The following NOX4 variants were observed in gnomAD, a reference collection of about 807,000 sequenced individuals.
NOX4 encodes NADPH oxidase 4.
In NOX4, 69 loss-of-function variants were observed where a neutral mutation model predicts 87.6. The observed-to-expected ratio is 0.79, with a 90% CI of 0.65 to 0.96. NOX4 has a LOEUF of 0.96. Ranked by LOEUF, NOX4 falls within the 40% of genes least tolerant of loss-of-function variation. The pLI, the probability that NOX4 is intolerant of heterozygous loss-of-function variation, is 0.00. For synonymous variants in NOX4, 275 were observed against 238.2 expected, an observed-to-expected ratio of 1.15 and a Z score of -1.42; for missense variants, 680 against 681.5, an observed-to-expected ratio of 1.00 and a Z score of 0.02.
chr11:89,328,174 G>A (rs928045876), intron 17 of NOX4, among the ~76,000 whole-genome samples: 9 of 152,260 alleles, frequency 5.9e-5, no homozygotes, highest in African/African-American at 1.9e-4. Context: ...AAGACGCCTC[G>A]GAGATTGGTA....
the NOX4 span, among the ~76,000 whole-genome samples, chr11:89,560,996 C>CTCTCTCTA: frequency 1.0e-3 from 42 of 40,798 alleles, 2 homozygotes; most frequent in African/African-American, 4.3e-3. Flanking sequence ...CTCTCTCTCT[C>CTCTCTCTA]TATATATATA....
chr11:89,432,002 C>A (rs1269785394), intron 7 of NOX4, among the ~76,000 whole-genome samples: 1 of 152,122 alleles, frequency 6.6e-6, no homozygotes, highest in East Asian at 1.9e-4. Context: ...ACATATACAC[C>A]ATGGATTACT....
intron 13 of NOX4, among the ~76,000 whole-genome samples, chr11:89,347,902 A>G (rs1946286477): frequency 1.3e-5 from 2 of 152,202 alleles, no homozygotes; most frequent in Admixed American, 6.5e-5. Flanking sequence ...ATAAAAATGT[A>G]AGTCTAATTA....
intron 8 of NOX4, among the ~76,000 whole-genome samples, chr11:89,420,728 G>A (rs1943037672): frequency 6.6e-6 from 1 of 152,124 alleles, no homozygotes; most frequent in Admixed American, 6.6e-5. Context: ...ACTAAACAAA[G>A]GTCTGAACCT....
chr11:89,400,583 T>A (rs962706037), intron 9 of NOX4, among the ~76,000 whole-genome samples: 12 of 151,980 alleles, frequency 7.9e-5, no homozygotes, highest in African/African-American at 2.9e-4. Flanking sequence ...GAAAGTAATA[T>A]CAAGACCCTA....
At chr11:89,437,739 C>T (rs74885088) in intron 6 of NOX4, among the ~76,000 whole-genome samples, 5,454 of 152,106 alleles carry the variant, frequency 0.036, 321 homozygotes, top group African/African-American at 0.12. Context: ...AAAGACAGTA[C>T]ATGTAAGGAA....
At chr11:89,332,940 A>C (rs1945537042) in intron 17 of NOX4, among the ~76,000 whole-genome samples, 1 of 151,924 alleles carries the variant, frequency 6.6e-6, no homozygotes, top group Non-Finnish European at 1.5e-5. Context: ...AAAGAAAGGA[A>C]TGACTGTCAC....
At chr11:89,340,651 T>C (rs1430833309) in intron 14 of NOX4, among the ~76,000 whole-genome samples, 1 of 152,196 alleles carries the variant, frequency 6.6e-6, no homozygotes, top group East Asian at 1.9e-4. Context: ...ACTTGGTTGT[T>C]TATCCCCTCT....
the NOX4 span, among the ~76,000 whole-genome samples, chr11:89,588,648 T>C: frequency 1.3e-5 from 2 of 152,220 alleles, no homozygotes; most frequent in African/African-American, 2.4e-5. Context: ...GTTTATTCCC[T>C]GAAATTACTA....
chr11:89,381,482 C>T lies in NOX4; in HGVS notation c.1075-7990G>A, dbSNP rs551129930. Among the ~76,000 whole-genome samples, 3 of 152,162 alleles carry T rather than the reference C, an allele frequency of 2.0e-5. No homozygotes were observed. In the South Asian group the frequency reaches 6.2e-4, roughly 32 times the overall value. The stretch of plus-strand genomic sequence containing the variant: ...ACTTTGTGACCCCCATCCCTGCCTG[C>T]CAGAGAACAACCCCCTTTAACTGTA... On this transcript the variant is annotated intron_variant, in intron 11 of 17. Coordinates refer to ENST00000263317, the MANE Select transcript of NOX4 (RefSeq NM_016931.5).
chr11:89,582,787 C>G, the NOX4 span, among the ~76,000 whole-genome samples: 1 of 152,138 alleles, frequency 6.6e-6, no homozygotes, highest in Non-Finnish European at 1.5e-5. Context: ...CTCCTGGAAT[C>G]CTGAATGCTG....
intron 12 of NOX4, among the ~76,000 whole-genome samples, chr11:89,368,873 A>T (rs1159426627): frequency 6.6e-6 from 1 of 151,980 alleles, no homozygotes; most frequent in Non-Finnish European, 1.5e-5. Flanking sequence ...ATACTGCCAG[A>T]CTGGTCTATA....
chr11:89,503,204 G>A, the NOX4 span, among the ~76,000 whole-genome samples: 1 of 151,868 alleles, frequency 6.6e-6, no homozygotes, highest in Admixed American at 6.6e-5. Context: ...CAAATTTTCA[G>A]TTGCAAATGC....
At chr11:89,521,652 A>T in the NOX4 span, among the ~76,000 whole-genome samples, 1 of 152,164 alleles carries the variant, frequency 6.6e-6, no homozygotes, top group Non-Finnish European at 1.5e-5. Context: ...CCTCAAAAGC[A>T]ATTGCTACAA....
chr11:89,532,322 C>A, the NOX4 span, among the ~76,000 whole-genome samples: 1 of 152,206 alleles, frequency 6.6e-6, no homozygotes, highest in Admixed American at 6.5e-5. Flanking sequence ...CTACCCAAGG[C>A]CTTGGGAGCC....
At chr11:89,397,738 A>C (rs1941583815) in intron 11 of NOX4, among the ~76,000 whole-genome samples, 1 of 152,180 alleles carries the variant, frequency 6.6e-6, no homozygotes, top group African/African-American at 2.4e-5. Context: ...ATTCCTCGAC[A>C]CATACACCCT....
At chr11:89,364,083 A>C (rs1938742555) in intron 12 of NOX4, among the ~76,000 whole-genome samples, 1 of 152,036 alleles carries the variant, frequency 6.6e-6, no homozygotes, top group South Asian at 2.1e-4. Flanking sequence ...TTGCTCTTCA[A>C]CAAAGTTTAA....
At chr11:89,447,757 A>C (rs1284307376) in intron 4 of NOX4, among the ~76,000 whole-genome samples, 2 of 151,898 alleles carry the variant, frequency 1.3e-5, no homozygotes. Flanking sequence ...ATCCTCCTCC[A>C]TTTCTGACCT....
chr11:89,456,341 A>G (rs751761813), intron 2 of NOX4, among the ~76,000 whole-genome samples: 11 of 152,228 alleles, frequency 7.2e-5, no homozygotes, highest in Non-Finnish European at 1.3e-4. Flanking sequence ...ATATAAATGC[A>G]CAAATATTTC....
Sources: allele counts gnomAD v4.1 joint callset (sites outside exome capture counted in the v4.1 genomes callset), GRCh38; gene constraint gnomAD v4.1.1; transcripts MANE v1.5; gene names NCBI Gene and HGNC (gene_info 2026-07-23, HGNC 2026-07-21).